TENM3: variants seen among roughly 807,000 people sequenced by gnomAD.
TENM3 encodes teneurin transmembrane protein 3, also known as teneurin-3.
In TENM3, 63 loss-of-function variants were observed where a neutral mutation model predicts 255.1. The ratio of observed to expected loss-of-function variants is 0.25; its 90% CI spans 0.20 to 0.30. The LOEUF (loss-of-function observed/expected upper bound fraction) is 0.30. TENM3 is among the 10% of genes least tolerant of loss of function. TENM3 has a pLI of 1.00. For synonymous variants in TENM3, 1,306 were observed against 1,322.3 expected (o/e 0.99, Z 0.27); for missense variants, 2,929 against 3,461.1 (o/e 0.85, Z 3.86).
chr4:182,594,683 G>GGTGTGTGTGTGTGTGTGTGT (rs67667219), intron 3 of TENM3, among the ~76,000 whole-genome samples: 3 of 138,166 alleles, frequency 2.2e-5, no homozygotes, highest in Admixed American at 7.3e-5. Flanking sequence ...TTTTTGTTTT[G>GGTGTGTGTGTGTGTGTGTGT]GTGTGTGTGT....
At chr4:182,317,707 A>C (rs1267619734) in intron 1 of TENM3, among the ~76,000 whole-genome samples, 1 of 152,004 alleles carries the variant, frequency 6.6e-6, no homozygotes, top group Non-Finnish European at 1.5e-5. Context: ...TGAATTTAGC[A>C]CTACCAAAAA....
intron 1 of TENM3, among the ~76,000 whole-genome samples, chr4:182,224,985 G>A (rs532103587): frequency 1.3e-5 from 2 of 152,084 alleles, no homozygotes; most frequent in South Asian, 4.2e-4. Context: ...GCCCACCTTG[G>A]CCTCCCAAAG....
the TENM3 span, among the ~76,000 whole-genome samples, chr4:181,899,366 A>G: frequency 6.6e-6 from 1 of 152,270 alleles, no homozygotes; most frequent in East Asian, 1.9e-4. Context: ...ATTTGCTTAT[A>G]AATTTAAAAA....
chr4:181,692,766 TTGC>T, the TENM3 span, among the ~76,000 whole-genome samples: 1 of 152,188 alleles, frequency 6.6e-6, no homozygotes, highest in African/African-American at 2.4e-5. Context: ...CAGAGGGTCT[TTGC>T]TGCCACTGAA....
At chr4:181,586,786 G>A in the TENM3 span, among the ~76,000 whole-genome samples, 5 of 152,126 alleles carry the variant, frequency 3.3e-5, no homozygotes, top group Non-Finnish European at 7.3e-5. Flanking sequence ...GTTGCGGTGA[G>A]CTGAGATCGC....
intron 5 of TENM3, among the ~76,000 whole-genome samples, chr4:182,638,592 C>T (rs1057181415): frequency 2.0e-5 from 3 of 152,156 alleles, no homozygotes; most frequent in African/African-American, 7.2e-5. Context: ...AAGATATTTT[C>T]TGAGAAAAGA....
At chr4:181,921,347 C>T in the TENM3 span, among the ~76,000 whole-genome samples, 23 of 152,028 alleles carry the variant, frequency 1.5e-4, no homozygotes, top group Middle Eastern at 3.2e-3. Context: ...TTTACGATAT[C>T]GATTCTTCCT....
At chr4:182,478,273 A>G (rs760348900) in intron 3 of TENM3, among the ~76,000 whole-genome samples, 2 of 152,240 alleles carry the variant, frequency 1.3e-5, no homozygotes, top group South Asian at 2.1e-4. Flanking sequence ...GAATTAGTCA[A>G]ATTTTTTCTA....
intron 12 of TENM3, among the ~76,000 whole-genome samples, chr4:182,708,509 C>G (rs1056460667): frequency 2.0e-5 from 3 of 152,188 alleles, no homozygotes; most frequent in Non-Finnish European, 2.9e-5. Flanking sequence ...ACTCAAAGAT[C>G]TGAGACCTGG....
the TENM3 span, among the ~76,000 whole-genome samples, chr4:181,452,164 G>T: frequency 9.2e-5 from 14 of 152,006 alleles, no homozygotes; most frequent in African/African-American, 3.4e-4. Flanking sequence ...ATAGAAGAGT[G>T]GGCAAAATCC....
chr4:182,243,993 G>A (rs1430077624), intron 1 of TENM3, among the ~76,000 whole-genome samples: 9 of 120,080 alleles, frequency 7.5e-5, no homozygotes, highest in Admixed American at 1.1e-4. Context: ...TCGCTCTGTC[G>A]CCCAGGCTGG....
chr4:182,042,200 CTTAGAGAA>C, the TENM3 span, among the ~76,000 whole-genome samples: 1 of 152,156 alleles, frequency 6.6e-6, no homozygotes, highest in African/African-American at 2.4e-5. Context: ...ACATGTCAAC[CTTAGAGAA>C]TTAAACTTGT....
chr4:182,702,443 T>C (rs1276538739), intron 12 of TENM3, among the ~76,000 whole-genome samples: 4 of 152,204 alleles, frequency 2.6e-5, no homozygotes, highest in African/African-American at 9.7e-5. Flanking sequence ...ACTTTTTCTT[T>C]TCTTCATAGT....
chr4:181,916,812 G>T, the TENM3 span, among the ~76,000 whole-genome samples: 1 of 152,120 alleles, frequency 6.6e-6, no homozygotes, highest in Admixed American at 6.6e-5. Flanking sequence ...GGGAGGCAGA[G>T]GTTGCAGTGG....
chr4:182,592,636 A>T (rs181201674), intron 3 of TENM3, among the ~76,000 whole-genome samples: 209 of 152,350 alleles, frequency 1.4e-3, no homozygotes, highest in African/African-American at 4.8e-3. Context: ...GAGGCAGGAG[A>T]ATCACTTGAC....
At chr4:182,783,105 T>C (rs1344671120) in intron 24 of TENM3, among the ~76,000 whole-genome samples, 1 of 151,820 alleles carries the variant, frequency 6.6e-6, no homozygotes, top group Non-Finnish European at 1.5e-5. Flanking sequence ...ATTATGATGT[T>C]AGCTGGTTAT....
At chr4:181,494,625 T>G in the TENM3 span, among the ~76,000 whole-genome samples, 1 of 152,152 alleles carries the variant, frequency 6.6e-6, no homozygotes, top group Non-Finnish European at 1.5e-5. Context: ...ATCTGTCATG[T>G]TCAGTGGTCT....
chr4:181,781,996 T>G, the TENM3 span, among the ~76,000 whole-genome samples: 1 of 152,216 alleles, frequency 6.6e-6, no homozygotes, highest in African/African-American at 2.4e-5. Context: ...ATAAGCTTTT[T>G]GATGTGCTGC....
At chr4:181,611,936 A>T in the TENM3 span, among the ~76,000 whole-genome samples, 1 of 152,264 alleles carries the variant, frequency 6.6e-6, no homozygotes, top group Non-Finnish European at 1.5e-5. Flanking sequence ...TTTTGCCATC[A>T]GATCCCATAC....
Sources: gnomAD v4.1 joint callset for allele counts (sites outside exome capture counted in the v4.1 genomes callset) on GRCh38, gnomAD v4.1.1 for gene constraint, MANE v1.5 for transcripts, NCBI Gene and HGNC (gene_info 2026-07-23, HGNC 2026-07-21) for gene names.